Variants in ZNF268 observed in about 807,000 individuals in gnomAD.
The protein encoded by ZNF268 is zinc finger protein 268.
ZNF268 carries 20 observed loss-of-function variants against 29.3 expected under a neutral mutation model. That is an observed-to-expected ratio of 0.68 (90% CI 0.48 to 0.99). The LOEUF (loss-of-function observed/expected upper bound fraction) is 0.99. Among genes scored for constraint, ZNF268 ranks in the 50% least tolerant of loss-of-function variants. The probability of loss-of-function intolerance (pLI) is 0.00; values close to 1 mark genes in which losing one functional copy is unlikely to be tolerated. For missense variants in ZNF268, 1,240 were observed against 1,121.6 expected (o/e 1.11, Z -1.51); for synonymous variants, 429 against 376.9 (o/e 1.14, Z -1.60).
At chr12:133,191,058 T>C (rs1400702757) in intron 3 of ZNF268, among the ~76,000 whole-genome samples, 2 of 152,180 alleles carry the variant, frequency 1.3e-5, no homozygotes, top group East Asian at 3.8e-4. Flanking sequence ...GGCTCACGCC[T>C]GTAATCCTAG....
At chr12:133,185,993 C>G (rs1281818659) in intron 2 of ZNF268, among the ~76,000 whole-genome samples, 1 of 152,162 alleles carries the variant, frequency 6.6e-6, no homozygotes, top group Non-Finnish European at 1.5e-5. Flanking sequence ...TGTTAATGCT[C>G]AGTGTCTACT....
At position 133,209,145 on chromosome 12, in the gene ZNF268, T is replaced by C. The variant is rs1956945978; in HGVS notation, c.*4615T>C. On this transcript the variant is annotated 3_prime_UTR_variant, in exon 6 of 6. Coordinates refer to ENST00000536435, the MANE Select transcript of ZNF268 (RefSeq NM_003415.3). The stretch of plus-strand genomic sequence containing the variant: ...TTTTAGTAGAGATGGGGTTTCACCA[T>C]GTTGGCCAGGCTGGTCTTGAACTCC... The C allele has an allele frequency of 6.6e-6, 1 of 152,158 alleles. No individual in the cohort carries two copies. The highest frequency in any genetic ancestry group is 2.1e-4 in the South Asian group (1 of 4,828). 9.4% of individuals were successfully genotyped at this position (152,158 alleles called of 1,614,324 possible). A position where few individuals can be genotyped will look rare whatever the true frequency, so the allele number is the denominator to read the frequency against.
In ZNF268 at chr12:133,210,523, T is replaced by G. The variant is rs1044351360; in HGVS notation, c.*5993T>G. Reference sequence around the variant, plus strand: ...AACAAGCTCCAGTCTTCACTGTGGTTGTGCCCCACAGTGGTCCTCAGGTTG... The same window carrying G: ...AACAAGCTCCAGTCTTCACTGTGGTGGTGCCCCACAGTGGTCCTCAGGTTG... On this transcript the variant is annotated 3_prime_UTR_variant, in exon 6 of 6. Transcript: ENST00000536435. 3.8e-6 allele frequency: 1 copy of G among 261,342 alleles called. No homozygotes were observed. Among genetic ancestry groups the G allele is most frequent in the Non-Finnish European group, 7.8e-6 (1 of 128,480 alleles). The allele number at this position is 261,342 out of a possible 1,614,324, so 16.2% of individuals were successfully genotyped here.
chr12:133,195,810 C>G (rs987846842), intron 5 of ZNF268, among the ~76,000 whole-genome samples: 1 of 151,756 alleles, frequency 6.6e-6, no homozygotes, highest in Non-Finnish European at 1.5e-5. Flanking sequence ...CTCCACCTCC[C>G]AGGTTCAAGC....
At chr12:133,182,086 C>T in intron 2 of ZNF268, 56 bp downstream of exon 2, 3 of 1,521,006 alleles carry the variant, frequency 2.0e-6, no homozygotes, top group Admixed American at 2.0e-5. Flanking sequence ...CCAACGTGTG[C>T]GCACTCCATC....
chr12:133,182,890 A>G (rs1161772483), intron 2 of ZNF268, among the ~76,000 whole-genome samples: 1 of 152,182 alleles, frequency 6.6e-6, no homozygotes, highest in Non-Finnish European at 1.5e-5. Context: ...GGATTGTATC[A>G]CATAGGGCAG....
At position 133,207,480 on chromosome 12, in the gene ZNF268, A is replaced by G. The variant is rs1180454744; in HGVS notation, c.*2950A>G. ...TCCTTTGTTCATTACCAGCAGAATC[A>G]CTATTATTTATAATGGCAGTATGCC... On this transcript the variant is annotated 3_prime_UTR_variant, in exon 6 of 6. Transcript: ENST00000536435. The G allele has an allele frequency of 1.3e-5, 2 of 152,240 alleles. No individual in the cohort carries two copies. Among genetic ancestry groups the G allele is most frequent in the African/African-American group, 4.8e-5 (2 of 41,466 alleles). 9.4% of individuals were successfully genotyped at this position (152,240 alleles called of 1,614,324 possible). A position where few individuals can be genotyped will look rare whatever the true frequency, so the allele number is the denominator to read the frequency against.
At chr12:133,198,649 G>T (rs1019537921) in intron 5 of ZNF268, among the ~76,000 whole-genome samples, 1 of 151,900 alleles carries the variant, frequency 6.6e-6, no homozygotes, top group African/African-American at 2.4e-5. Flanking sequence ...TCACGATATA[G>T]ATTCTTCCTA....
rs1349642112 is a variant in ZNF268 at position 133,208,153 on chromosome 12, C to G, written c.*3623C>G. On this transcript the variant is annotated 3_prime_UTR_variant, in exon 6 of 6. Transcript: ENST00000536435. ...CTGGAACCCAGGAGTTCGAGACAAG[C>G]CTGACCAATATAGGGAGACCCTGTC... The G allele has an allele frequency of 4.6e-5, 7 of 151,930 alleles. No homozygotes were observed. The highest frequency in any genetic ancestry group is 2.0e-4 in the Admixed American group (3 of 15,254). The allele number at this position is 151,930 out of a possible 1,614,324, so 9.4% of individuals were successfully genotyped here.
chr12:133,201,091 G>C (rs926923788), intron 5 of ZNF268, among the ~76,000 whole-genome samples: 7 of 151,780 alleles, frequency 4.6e-5, no homozygotes, highest in Non-Finnish European at 8.8e-5. Flanking sequence ...ATTTATTTTT[G>C]TTTCTAAATT....
rs1956976563 is a variant in ZNF268 at position 133,211,303 on chromosome 12, C to T, written c.*6773C>T. 4 of 341,906 alleles carry T rather than the reference C, an allele frequency of 1.2e-5. No individual in the cohort carries two copies. Among genetic ancestry groups the T allele is most frequent in the East Asian group, 7.8e-5 (1 of 12,826 alleles). The allele number at this position is 341,906 out of a possible 1,614,324, so 21.2% of individuals were successfully genotyped here. On this transcript the variant is annotated 3_prime_UTR_variant, in exon 6 of 6. Transcript: ENST00000536435. ...TTTCCAAAGATATACAGATGGTGGC[C>T]AGGCACGGTGGCTCACGCCTGTAAT...
chr12:133,197,860 C>T (rs1956650105), intron 5 of ZNF268, among the ~76,000 whole-genome samples: 1 of 152,004 alleles, frequency 6.6e-6, no homozygotes, highest in South Asian at 2.1e-4. Context: ...CTGTTCATAT[C>T]CTTTGCCCAC....
rs1956851969 is a variant in ZNF268, at chr12:133,204,598, T to G, written c.*68T>G. The G allele has an allele frequency of 2.5e-6, 3 of 1,192,908 alleles. No individual in the cohort carries two copies. Among genetic ancestry groups the G allele is most frequent in the Non-Finnish European group, 3.4e-6 (3 of 881,178 alleles). 73.9% of individuals were successfully genotyped at this position (1,192,908 alleles called of 1,614,324 possible). ...AACAATCATATATAAAGAGAAACTC[T>G]GTAAGTGGAATCATCTTGTCATCTT... On this transcript the variant is annotated 3_prime_UTR_variant, in exon 6 of 6. Coordinates refer to ENST00000536435, the MANE Select transcript of ZNF268 (RefSeq NM_003415.3).
In ZNF268 at chr12:133,198,604, A is replaced by G. The variant is rs887342249; in HGVS notation, c.458-3540A>G. Among the ~76,000 whole-genome samples, 38 of 152,180 alleles carry G rather than the reference A, an allele frequency of 2.5e-4. No homozygotes were observed. The East Asian group carries it at 2.7e-3, about 11-fold the overall frequency. On this transcript the variant is annotated intron_variant, in intron 5 of 5. Coordinates refer to ENST00000536435, the MANE Select transcript of ZNF268 (RefSeq NM_003415.3). ...TTGGTAGCTTGATGGGGATGGCATTAAATCTATAAATTACCTTGGGCAGTA... is the reference window on the plus strand; with the variant it reads ...TTGGTAGCTTGATGGGGATGGCATTGAATCTATAAATTACCTTGGGCAGTA...
chr12:133,211,093 A>G lies in ZNF268; in HGVS notation c.*6563A>G. On this transcript the variant is annotated 3_prime_UTR_variant, in exon 6 of 6. Coordinates refer to ENST00000536435, the MANE Select transcript of ZNF268 (RefSeq NM_003415.3). Reference sequence around the variant, plus strand: ...ATAATAAAAGGCAAAGTAGATGGCCATAGACAAAAGTCAAGTGATTTCCTA... The same window carrying G: ...ATAATAAAAGGCAAAGTAGATGGCCGTAGACAAAAGTCAAGTGATTTCCTA... The G allele has an allele frequency of 2.2e-6, 1 of 444,452 alleles. No individual in the cohort carries two copies. The highest frequency in any genetic ancestry group is 3.3e-4 in the Middle Eastern group (1 of 3,028). The allele number at this position is 444,452 out of a possible 1,614,324, so 27.5% of individuals were successfully genotyped here.
In ZNF268 at chr12:133,204,802, G is replaced by T. The variant is rs774374789; in HGVS notation, c.*272G>T. On this transcript the variant is annotated 3_prime_UTR_variant, in exon 6 of 6. Transcript: ENST00000536435. Reference sequence around the variant, plus strand: ...ACCTTTTTTTAAAAAGTTCATACAGGTGAGGAACCATGTTAAACGTTGTAA... The same window carrying T: ...ACCTTTTTTTAAAAAGTTCATACAGTTGAGGAACCATGTTAAACGTTGTAA... 12 of 339,198 alleles carry T rather than the reference G, an allele frequency of 3.5e-5. No individual in the cohort carries two copies. The highest frequency in any genetic ancestry group is 8.3e-4 in the Middle Eastern group (1 of 1,210). 21.0% of individuals were successfully genotyped at this position (339,198 alleles called of 1,614,324 possible). A position where few individuals can be genotyped will look rare whatever the true frequency, so the allele number is the denominator to read the frequency against.
Position 133,211,218 on chromosome 12 carries a change from A to G in ZNF268, c.*6688A>G. 2.8e-6 allele frequency: 1 copy of G among 354,252 alleles called. No individual in the cohort carries two copies. The highest frequency in any genetic ancestry group is 2.2e-5 in the South Asian group (1 of 46,080). The allele number at this position is 354,252 out of a possible 1,614,324, so 21.9% of individuals were successfully genotyped here. On this transcript the variant is annotated 3_prime_UTR_variant, in exon 6 of 6. Coordinates refer to ENST00000536435, the MANE Select transcript of ZNF268 (RefSeq NM_003415.3). ...TTTGTATGCAAAATATAAAAAAAAA[A>G]CCCTAAAATTGAACAAGAAGACAAC...
At position 133,181,917 on chromosome 12, in the gene ZNF268, C is replaced by G. The variant is rs1383650558; in HGVS notation, c.-52-29C>G. On this transcript the variant is annotated intron_variant, in intron 1 of 5. Coordinates refer to ENST00000536435, the MANE Select transcript of ZNF268 (RefSeq NM_003415.3). ...CTGGGTTTGGGGACTGCTGGGTGAC[C>G]TCTTTCTTCACTGTGCTCTCTCTTC... 2.0e-6 allele frequency: 3 copies of G among 1,491,030 alleles called. No homozygotes were observed. In the Admixed American group the frequency reaches 5.9e-5, roughly 29 times the overall value. 92.4% of individuals were successfully genotyped at this position (1,491,030 alleles called of 1,614,324 possible).
chr12:133,200,929 A>G (rs954814185), intron 5 of ZNF268, among the ~76,000 whole-genome samples: 1 of 151,972 alleles, frequency 6.6e-6, no homozygotes, highest in African/African-American at 2.4e-5. Flanking sequence ...CACCATATAC[A>G]CACTCATGAT....
Sources: allele counts gnomAD v4.1 joint callset (sites outside exome capture counted in the v4.1 genomes callset), GRCh38; gene constraint gnomAD v4.1.1; transcripts MANE v1.5; gene names NCBI Gene and HGNC (gene_info 2026-07-23, HGNC 2026-07-21).